Variants in NEK10 observed in about 807,000 individuals in gnomAD.
NEK10 encodes the protein NIMA related kinase 10.
In NEK10, 122 loss-of-function variants were observed where a neutral mutation model predicts 159.8. The ratio of observed to expected loss-of-function variants is 0.76; its 90% CI spans 0.66 to 0.89. The LOEUF is 0.89. Ranked by LOEUF, NEK10 falls within the 40% of genes least tolerant of loss-of-function variation. NEK10 has a pLI of 0.00. For synonymous variants in NEK10, 466 were observed against 457.1 expected (o/e 1.02, Z -0.25); for missense variants, 1,342 against 1,323.1 (o/e 1.01, Z -0.22).
At chr3:27,123,082 G>C (rs1353921112) in intron 32 of NEK10, among the ~76,000 whole-genome samples, 2 of 152,140 alleles carry the variant, frequency 1.3e-5, no homozygotes, top group East Asian at 3.8e-4. Context: ...CATTGTTTTA[G>C]CAAACTATTT....
intron 26 of NEK10, among the ~76,000 whole-genome samples, chr3:27,191,477 T>C (rs1452901311): frequency 6.6e-6 from 1 of 152,240 alleles, no homozygotes; most frequent in Admixed American, 6.5e-5. Flanking sequence ...TTTGTAGCTT[T>C]GGCATCTCTT....
At chr3:27,285,612 G>A (rs1384587614) in intron 20 of NEK10, among the ~76,000 whole-genome samples, 1 of 151,856 alleles carries the variant, frequency 6.6e-6, no homozygotes, top group Admixed American at 6.6e-5. Context: ...ATGACTGATT[G>A]TGTTTGTCTT....
chr3:27,363,208 A>C (rs1004325462), intron 1 of NEK10, among the ~76,000 whole-genome samples: 3 of 152,190 alleles, frequency 2.0e-5, no homozygotes, highest in Non-Finnish European at 4.4e-5. Context: ...GTCTCAACTG[A>C]AGTATCCATT....
At chr3:27,276,093 T>C (rs1370607780) in intron 22 of NEK10, among the ~76,000 whole-genome samples, 1 of 152,148 alleles carries the variant, frequency 6.6e-6, no homozygotes, top group Non-Finnish European at 1.5e-5. Context: ...ATTTGTAAAA[T>C]GGCTTCTGAA....
At chr3:27,319,947 G>C (rs906120995) in intron 6 of NEK10, among the ~76,000 whole-genome samples, 4 of 152,114 alleles carry the variant, frequency 2.6e-5, no homozygotes, top group African/African-American at 9.7e-5. Context: ...GAGAGGAAAG[G>C]AACAGATACC....
At chr3:27,364,348 T>TTGTGTGTGTGTG (rs4016621) in intron 1 of NEK10, among the ~76,000 whole-genome samples, 19 of 120,654 alleles carry the variant, frequency 1.6e-4, no homozygotes, top group Non-Finnish European at 2.4e-4. Flanking sequence ...GCCTGGCTAA[T>TTGTGTGTGTGTG]TGTGTGTGTG....
At chr3:27,358,018 A>G (rs1166985107) in intron 1 of NEK10, among the ~76,000 whole-genome samples, 1 of 152,252 alleles carries the variant, frequency 6.6e-6, no homozygotes, top group Non-Finnish European at 1.5e-5. Context: ...AAAATAGAAA[A>G]CCACTGATTC....
At chr3:27,279,457 G>A (rs2041995964) in intron 22 of NEK10, among the ~76,000 whole-genome samples, 1 of 151,876 alleles carries the variant, frequency 6.6e-6, no homozygotes, top group African/African-American at 2.4e-5. Flanking sequence ...CCTAAAATAT[G>A]GAAATTTTAT....
chr3:27,316,565 G>A (rs891914131), intron 6 of NEK10, among the ~76,000 whole-genome samples: 8 of 152,170 alleles, frequency 5.3e-5, no homozygotes, highest in African/African-American at 1.9e-4. Context: ...TTATTCACAT[G>A]AAGGAGATTC....
intron 31 of NEK10, among the ~76,000 whole-genome samples, chr3:27,136,978 C>G (rs1193901858): frequency 6.6e-6 from 1 of 152,166 alleles, no homozygotes; most frequent in Non-Finnish European, 1.5e-5. Flanking sequence ...CCAATTCATT[C>G]TTACTTTCAG....
chr3:27,316,669 A>G (rs1391781430), intron 6 of NEK10, among the ~76,000 whole-genome samples: 2 of 152,172 alleles, frequency 1.3e-5, no homozygotes, highest in Non-Finnish European at 2.9e-5. Flanking sequence ...ATGACAATAA[A>G]TTTATTCAAT....
rs966842525 is a variant in NEK10, at chr3:27,322,159, T to A, written c.447+18A>T. 6.6e-6 allele frequency: 9 copies of A among 1,369,842 alleles called. No individual in the cohort carries two copies. Among genetic ancestry groups the A allele is most frequent in the African/African-American group, 1.5e-5 (1 of 67,880 alleles). 84.9% of individuals were successfully genotyped at this position (1,369,842 alleles called of 1,614,324 possible). Reference sequence around the variant, plus strand: ...CTTTATAACAAGTAAAAAAAAAAATTGTATTTTTCCAACCAACCTGATAAC... The same window carrying A: ...CTTTATAACAAGTAAAAAAAAAAATAGTATTTTTCCAACCAACCTGATAAC... On this transcript the variant is annotated intron_variant, in intron 6 of 35. Transcript: ENST00000691995.
chr3:27,158,641 C>T (rs1033067994), intron 30 of NEK10, among the ~76,000 whole-genome samples: 2 of 152,136 alleles, frequency 1.3e-5, no homozygotes, highest in South Asian at 4.1e-4. Flanking sequence ...ACCCATACAT[C>T]GGTTCAGCGC....
At chr3:27,276,039 G>A (rs1183186806) in intron 22 of NEK10, among the ~76,000 whole-genome samples, 4 of 152,024 alleles carry the variant, frequency 2.6e-5, no homozygotes, top group Admixed American at 2.6e-4. Flanking sequence ...TTGGCTATCA[G>A]AAGGAGATCT....
chr3:27,245,904 T>C (rs760347284), intron 23 of NEK10, among the ~76,000 whole-genome samples: 2 of 152,084 alleles, frequency 1.3e-5, no homozygotes, highest in African/African-American at 4.8e-5. Flanking sequence ...AAATGGGAAA[T>C]ACTATACATA....
In NEK10 at chr3:27,110,031, C is replaced by T. The variant is rs534603911; in HGVS notation, c.*1241G>A. 2 of 151,980 alleles carry T rather than the reference C, an allele frequency of 1.3e-5. No individual in the cohort carries two copies. Among genetic ancestry groups the T allele is most frequent in the South Asian group, 2.1e-4 (1 of 4,792 alleles). The allele number at this position is 151,980 out of a possible 1,614,324, so 9.4% of individuals were successfully genotyped here. On this transcript the variant is annotated 3_prime_UTR_variant, in exon 36 of 36. Coordinates refer to ENST00000691995, the MANE Select transcript of NEK10 (RefSeq NM_001394966.1). ...CACTGTAAATACATTGAACTAAAAT[C>T]GATTCAATCATACTAAAAAAATTCA...
At position 27,162,722 on chromosome 3, in the gene NEK10, T is replaced by A; in HGVS notation, c.2848A>T (p.Thr950Ser). Residue 950 changes from threonine (T) to serine (S), a missense_variant, in exon 30 of 36, where the codon ACA becomes TCA. Physicochemically the swap from Thr to Ser is moderately conservative, Grantham distance 58 (BLOSUM62 1). Coordinates refer to ENST00000691995, the MANE Select transcript of NEK10 (RefSeq NM_001394966.1). ...TTACCTGGTCTTGGTCTTGATCCTGTTCCTCCAGTGAAGTCCCTGAAAATA... is the reference window on the plus strand; with the variant it reads ...TTACCTGGTCTTGGTCTTGATCCTGATCCTCCAGTGAAGTCCCTGAAAATA... ...QSQTRDFTGG[T>S]GSRPRPASAG... The A allele has an allele frequency of 1.2e-6, 2 of 1,614,150 alleles. No homozygotes were observed. Among genetic ancestry groups the A allele is most frequent in the South Asian group, 2.2e-5 (2 of 91,090 alleles).
chr3:27,299,172 C>A (rs935351567), intron 13 of NEK10, among the ~76,000 whole-genome samples: 1 of 152,084 alleles, frequency 6.6e-6, no homozygotes, highest in Non-Finnish European at 1.5e-5. Flanking sequence ...GAGGGAAAAA[C>A]GGTTTCATGG....
chr3:27,183,297 A>T (rs1484100032), intron 26 of NEK10, among the ~76,000 whole-genome samples: 3 of 151,374 alleles, frequency 2.0e-5, no homozygotes, highest in Non-Finnish European at 4.4e-5. Context: ...CTACATATAT[A>T]TTGTCAGGCA....
Sources: allele counts gnomAD v4.1 joint callset (sites outside exome capture counted in the v4.1 genomes callset), GRCh38; gene constraint gnomAD v4.1.1; transcripts MANE v1.5; gene names NCBI Gene and HGNC (gene_info 2026-07-23, HGNC 2026-07-21).